Variants in ZNF704 observed in about 807,000 individuals in gnomAD.
ZNF704 encodes zinc finger protein 704, also known as glucocorticoid induced gene 1.
In ZNF704, 10 loss-of-function variants were observed where a neutral mutation model predicts 44.7. The observed-to-expected ratio is 0.22, with a 90% CI of 0.14 to 0.38. ZNF704 has a LOEUF of 0.38. Among genes scored for constraint, ZNF704 ranks in the 10% least tolerant of loss-of-function variants. ZNF704 has a pLI of 1.00. For synonymous variants in ZNF704, 211 were observed against 207.6 expected (o/e 1.02, Z -0.14); for missense variants, 390 against 545.5 (o/e 0.71, Z 2.84).
intron 1 of ZNF704, among the ~76,000 whole-genome samples, chr8:80,834,346 C>A (rs1475356875): frequency 6.6e-6 from 1 of 152,074 alleles, no homozygotes; most frequent in Non-Finnish European, 1.5e-5. Context: ...GTCCAAAATT[C>A]TTGTTAACCC....
intron 7 of ZNF704, among the ~76,000 whole-genome samples, chr8:80,648,016 C>T (rs946377062): frequency 1.2e-4 from 19 of 152,234 alleles, no homozygotes; most frequent in Middle Eastern, 3.4e-3. Flanking sequence ...ACGGCCTTCT[C>T]GCTGTGTCAT....
At position 80,840,608 on chromosome 8, in the gene ZNF704, A is replaced by G. The variant is rs955077791; in HGVS notation, c.-21-18993T>C. Among the ~76,000 whole-genome samples the G allele has an allele frequency of 4.6e-5, 7 of 152,302 alleles. No homozygotes were observed. The South Asian group carries it at 1.0e-3, about 23-fold the overall frequency. On this transcript the variant is annotated intron_variant, in intron 1 of 8. Transcript: ENST00000327835. The stretch of plus-strand genomic sequence containing the variant: ...CGAGAAAATCCCCTGATCCTGCTCA[A>G]CTATTGCTCCTCTGCTCTATTCCCC...
At chr8:80,717,442 T>A (rs1421269329) in intron 2 of ZNF704, among the ~76,000 whole-genome samples, 1 of 152,230 alleles carries the variant, frequency 6.6e-6, no homozygotes, top group East Asian at 1.9e-4. Flanking sequence ...TGAAGTTCTG[T>A]TTTTCTACTT....
chr8:80,701,742 A>G (rs1818814078), intron 2 of ZNF704, among the ~76,000 whole-genome samples: 1 of 152,218 alleles, frequency 6.6e-6, no homozygotes, highest in Non-Finnish European at 1.5e-5. Context: ...TGATGTAGAG[A>G]GATCAAGCCA....
intron 2 of ZNF704, among the ~76,000 whole-genome samples, chr8:80,781,576 C>A (rs762543171): frequency 1.3e-5 from 2 of 152,124 alleles, no homozygotes; most frequent in Admixed American, 6.5e-5. Context: ...CTGCACTTTG[C>A]GAATCGCTGC....
chr8:80,824,924 G>C (rs1206822698), intron 1 of ZNF704, among the ~76,000 whole-genome samples: 1 of 152,094 alleles, frequency 6.6e-6, no homozygotes, highest in East Asian at 1.9e-4. Flanking sequence ...CCTGAAGGAA[G>C]CACTAAACAT....
intron 5 of ZNF704, 51 bp downstream of exon 5, chr8:80,670,452 C>G: frequency 7.4e-7 from 1 of 1,357,758 alleles, no homozygotes; most frequent in Non-Finnish European, 1.1e-6. Flanking sequence ...GTGCGGGTGG[C>G]CCTAGACTGA....
At chr8:80,751,609 T>C (rs1401100482) in intron 2 of ZNF704, among the ~76,000 whole-genome samples, 2 of 152,218 alleles carry the variant, frequency 1.3e-5, no homozygotes, top group Admixed American at 1.3e-4. Flanking sequence ...TCCCAATCAA[T>C]GGAATCTAAA....
chr8:80,632,087 G>C lies in ZNF704; in HGVS notation c.*9279C>G, dbSNP rs1817596297. 1 of 152,220 alleles carries C rather than the reference G, an allele frequency of 6.6e-6. No homozygotes were observed. The highest frequency in any genetic ancestry group is 1.5e-5 in the Non-Finnish European group (1 of 68,034). 9.4% of individuals were successfully genotyped at this position (152,220 alleles called of 1,614,324 possible). ...ATGGGGACTGTTCTCTTTTAAAGCT[G>C]TTTCTTGAGTGCTGGTTTTCCTCTT... is the stretch of plus-strand genomic sequence containing the variant. On this transcript the variant is annotated 3_prime_UTR_variant, in exon 9 of 9. Coordinates refer to ENST00000327835, the MANE Select transcript of ZNF704 (RefSeq NM_001033723.3).
At chr8:80,813,814 G>C (rs1233105586) in intron 2 of ZNF704, among the ~76,000 whole-genome samples, 1 of 152,140 alleles carries the variant, frequency 6.6e-6, no homozygotes, top group Non-Finnish European at 1.5e-5. Flanking sequence ...AGAAGGCAGA[G>C]CTTGCAGTGA....
chr8:80,730,707 A>G (rs73693880), intron 2 of ZNF704, among the ~76,000 whole-genome samples: 6,237 of 152,200 alleles, frequency 0.041, 450 homozygotes, highest in African/African-American at 0.14. Flanking sequence ...TTTTAAAGCT[A>G]TAACTTTGCA....
intron 1 of ZNF704, among the ~76,000 whole-genome samples, chr8:80,847,781 G>A (rs775892683): frequency 2.6e-5 from 4 of 152,170 alleles, no homozygotes; most frequent in African/African-American, 7.2e-5. Context: ...AACTTCAGCC[G>A]AAACCTCACA....
intron 2 of ZNF704, among the ~76,000 whole-genome samples, chr8:80,788,851 G>A (rs1807657816): frequency 2.0e-5 from 3 of 151,990 alleles, no homozygotes; most frequent in South Asian, 4.2e-4. Flanking sequence ...ATTGTGTTGC[G>A]TACCCTTAAG....
At chr8:80,754,039 G>C (rs1026318281) in intron 2 of ZNF704, among the ~76,000 whole-genome samples, 1 of 152,106 alleles carries the variant, frequency 6.6e-6, no homozygotes, top group Non-Finnish European at 1.5e-5. Flanking sequence ...ACTTGGCTTC[G>C]AACTGTGGAA....
At chr8:80,794,959 T>C (rs1030609439) in intron 2 of ZNF704, among the ~76,000 whole-genome samples, 2 of 152,214 alleles carry the variant, frequency 1.3e-5, no homozygotes, top group African/African-American at 4.8e-5. Flanking sequence ...TATAAATGTA[T>C]GGTACATGAA....
intron 2 of ZNF704, among the ~76,000 whole-genome samples, chr8:80,802,790 GC>G (rs1393709125): frequency 6.6e-6 from 1 of 152,100 alleles, no homozygotes; most frequent in Admixed American, 6.6e-5. Flanking sequence ...AGACAAGTAT[GC>G]CCCCTCTCAT....
intron 2 of ZNF704, among the ~76,000 whole-genome samples, chr8:80,731,492 C>T (rs559307875): frequency 6.6e-6 from 1 of 152,204 alleles, no homozygotes; most frequent in African/African-American, 2.4e-5. Flanking sequence ...AATATACATA[C>T]TAATGGGATT....
At chr8:80,752,768 C>T (rs941518785) in intron 2 of ZNF704, among the ~76,000 whole-genome samples, 6 of 152,128 alleles carry the variant, frequency 3.9e-5, no homozygotes, top group Middle Eastern at 3.4e-3. Context: ...CTCAAACTCC[C>T]GACCTCAGGT....
rs1806988186 is a variant in ZNF704, at chr8:80,753,729, T to C, written c.222-60622A>G. 2.0e-5 allele frequency among the ~76,000 whole-genome samples: 3 copies of C among 152,182 alleles called. No individual in the cohort carries two copies. In the South Asian group the frequency reaches 6.2e-4, roughly 32 times the overall value. On this transcript the variant is annotated intron_variant, in intron 2 of 8. Coordinates refer to ENST00000327835, the MANE Select transcript of ZNF704 (RefSeq NM_001033723.3). ...TGAAAAGGACAGAATGTTTTAAAAA[T>C]GTTTAAAGTAATATCATCCATGCTG...
Sources: gnomAD v4.1 joint callset for allele counts (sites outside exome capture counted in the v4.1 genomes callset) on GRCh38, gnomAD v4.1.1 for gene constraint, MANE v1.5 for transcripts, NCBI Gene and HGNC (gene_info 2026-07-23, HGNC 2026-07-21) for gene names.